SLCO3A1: variants seen among roughly 807,000 people sequenced by gnomAD.
The protein encoded by SLCO3A1 is solute carrier organic anion transporter family member 3A1, also known as PGE1 transporter.
A neutral mutation model predicts 63.1 loss-of-function variants in SLCO3A1; 27 were observed. The observed-to-expected ratio is 0.43, with a 90% CI of 0.32 to 0.59. The LOEUF (loss-of-function observed/expected upper bound fraction) is 0.59. Ranked by LOEUF, SLCO3A1 falls within the 20% of genes least tolerant of loss-of-function variation. The pLI, the probability that SLCO3A1 is intolerant of heterozygous loss-of-function variation, is 0.09. For synonymous variants in SLCO3A1, 473 were observed against 409.9 expected, an observed-to-expected ratio of 1.15 and a Z score of -1.86; for missense variants, 773 against 945.8, an observed-to-expected ratio of 0.82 and a Z score of 2.40.
At chr15:91,990,777 C>A (rs904105539) in intron 2 of SLCO3A1, among the ~76,000 whole-genome samples, 1 of 152,076 alleles carries the variant, frequency 6.6e-6, no homozygotes, top group Non-Finnish European at 1.5e-5. Flanking sequence ...CCTAGAATGC[C>A]CCCTGCCATC....
intron 2 of SLCO3A1, among the ~76,000 whole-genome samples, chr15:92,046,875 G>C (rs915346350): frequency 2.0e-5 from 3 of 147,224 alleles, no homozygotes; most frequent in Non-Finnish European, 4.4e-5. Flanking sequence ...GGGCTGGCAA[G>C]GGCCCTGTGA....
chr15:92,033,372 C>T lies in SLCO3A1; in HGVS notation c.647-61509C>T, dbSNP rs1169799883. The stretch of plus-strand genomic sequence containing the variant: ...TCTCCTCCAAGAGCAGGGTAACTTC[C>T]TCCTCTTGCATTCTCCCTCCAACTC... On this transcript the variant is annotated intron_variant, in intron 2 of 9. Coordinates refer to ENST00000318445, the MANE Select transcript of SLCO3A1 (RefSeq NM_013272.4). This position sits in a 1 kb window ranked among gnomAD's most constrained non-coding sequence, Gnocchi z 4.5. 6.6e-6 allele frequency among the ~76,000 whole-genome samples: 1 copy of T among 152,214 alleles called. No homozygotes were observed. The highest frequency in any genetic ancestry group is 1.9e-4 in the East Asian group (1 of 5,198).
At chr15:92,120,176 A>T (rs926428168) in intron 4 of SLCO3A1, among the ~76,000 whole-genome samples, 3 of 152,102 alleles carry the variant, frequency 2.0e-5, no homozygotes, top group Non-Finnish European at 1.5e-5. Context: ...CTTTAAAAAA[A>T]TTTTACTGTG....
intron 2 of SLCO3A1, among the ~76,000 whole-genome samples, chr15:92,037,496 G>C (rs780916708): frequency 6.6e-5 from 10 of 152,190 alleles, no homozygotes; most frequent in Non-Finnish European, 1.2e-4. Flanking sequence ...CAGGGAGTCA[G>C]CTTCTAGAAT....
intron 2 of SLCO3A1, among the ~76,000 whole-genome samples, chr15:92,056,607 C>T (rs1045744202): frequency 6.6e-6 from 1 of 152,162 alleles, no homozygotes; most frequent in East Asian, 1.9e-4. Context: ...CTTGGACTTC[C>T]TTCTCTCCAA....
intron 2 of SLCO3A1, among the ~76,000 whole-genome samples, chr15:92,082,806 C>A (rs182333024): frequency 6.6e-6 from 1 of 152,188 alleles, no homozygotes; most frequent in Non-Finnish European, 1.5e-5. Flanking sequence ...GATTCTCACG[C>A]CTTCACCACT....
In SLCO3A1 at chr15:92,128,415, G is replaced by A. The variant is rs554567337; in HGVS notation, c.1438G>A (p.Asp480Asn). 17 of 1,614,090 alleles carry A rather than the reference G, an allele frequency of 1.1e-5. No homozygotes were observed. The African/African-American group carries it at 1.7e-4, about 16-fold the overall frequency. Residue 480 changes from aspartate (D) to asparagine (N), a missense_variant, in exon 7 of 10, where the codon GAT becomes AAT. This residue lies in a region of SLCO3A1 where 565 missense variants were observed against 749.8 expected (regional missense o/e 0.75). Coordinates refer to ENST00000318445, the MANE Select transcript of SLCO3A1 (RefSeq NM_013272.4). ...CAATAATAACTGTGAATGCCAAACC[G>A]ATTCCTTCACTCCAGTGTGTGGGGC... ...PCNNNCECQT[D>N]SFTPVCGADG... is the part of the protein sequence containing the mutation.
chr15:92,060,560 C>T lies in SLCO3A1; in HGVS notation c.647-34321C>T, dbSNP rs376781015. Among the ~76,000 whole-genome samples, 114 of 151,544 alleles carry T rather than the reference C, an allele frequency of 7.5e-4. 3 individuals carry two copies. The East Asian group carries it at 0.016, about 21-fold the overall frequency. On this transcript the variant is annotated intron_variant, in intron 2 of 9. Transcript: ENST00000318445. ...TGTCACCCAGGCTGGAGTGCAGTGG[C>T]GCAAGCTCGGCTCACTGCAACCTCC...
intron 2 of SLCO3A1, among the ~76,000 whole-genome samples, chr15:92,049,250 C>T (rs1490508674): frequency 1.3e-5 from 2 of 152,172 alleles, no homozygotes; most frequent in Non-Finnish European, 1.5e-5. Flanking sequence ...AGCTTCGGTG[C>T]CAGCCCCAGC....
intron 2 of SLCO3A1, among the ~76,000 whole-genome samples, chr15:91,990,359 T>A (rs75480396): frequency 0.017 from 2,590 of 152,198 alleles, 84 homozygotes; most frequent in African/African-American, 0.059. Flanking sequence ...AAAGAACTGG[T>A]GTTACTTAGT....
At chr15:92,149,406 G>A (rs1473856538) in intron 8 of SLCO3A1, 1 of 152,298 alleles carries the variant, frequency 6.6e-6, no homozygotes, top group Non-Finnish European at 1.5e-5. Context: ...GGCTGGCACA[G>A]GGGCACAGAT....
chr15:91,857,399 G>T (rs770718775), intron 1 of SLCO3A1, among the ~76,000 whole-genome samples: 1 of 152,162 alleles, frequency 6.6e-6, no homozygotes, highest in Non-Finnish European at 1.5e-5. Flanking sequence ...TAGTCACAGG[G>T]ATGTTCCATC....
chr15:91,946,502 A>G (rs1899810734), intron 2 of SLCO3A1, among the ~76,000 whole-genome samples: 1 of 152,234 alleles, frequency 6.6e-6, no homozygotes, highest in African/African-American at 2.4e-5. Flanking sequence ...ATGTAGGGAA[A>G]TGGTTCAGTC....
At chr15:92,135,631 T>C (rs994359847) in intron 7 of SLCO3A1, among the ~76,000 whole-genome samples, 6 of 152,200 alleles carry the variant, frequency 3.9e-5, no homozygotes, top group Non-Finnish European at 7.3e-5. Context: ...CAGTAATAAA[T>C]GACAGGAGAC....
At chr15:92,151,503 G>A (rs1346541949) in intron 9 of SLCO3A1, among the ~76,000 whole-genome samples, 1 of 152,020 alleles carries the variant, frequency 6.6e-6, no homozygotes, top group Admixed American at 6.6e-5. Flanking sequence ...CATGCTATAG[G>A]GCCCACGTTT....
rs199624578 is a variant in SLCO3A1, at chr15:92,062,934, T to C, written c.647-31947T>C. On this transcript the variant is annotated intron_variant, in intron 2 of 9. Transcript: ENST00000318445. Reference sequence around the variant, plus strand: ...CAGTAAGTCAGAAGGTACAGCTCTGTGGACCCAGACCTTTGGAACCTCAGC... The same window carrying C: ...CAGTAAGTCAGAAGGTACAGCTCTGCGGACCCAGACCTTTGGAACCTCAGC... Among the ~76,000 whole-genome samples, 5 of 152,330 alleles carry C rather than the reference T, an allele frequency of 3.3e-5. No individual in the cohort carries two copies. In the East Asian group the frequency reaches 9.7e-4, roughly 29 times the overall value.
At chr15:92,147,823 C>CT (rs2048249152) in intron 8 of SLCO3A1, among the ~76,000 whole-genome samples, 1 of 152,166 alleles carries the variant, frequency 6.6e-6, no homozygotes, top group South Asian at 2.1e-4. Flanking sequence ...TTCTGAGTAA[C>CT]TTTTATCATT....
chr15:91,857,146 A>G (rs1392048317), intron 1 of SLCO3A1, among the ~76,000 whole-genome samples: 1 of 151,414 alleles, frequency 6.6e-6, no homozygotes, highest in Non-Finnish European at 1.5e-5. Context: ...TCCACCAAGA[A>G]CCTGCCCAGG....
At position 91,954,078 on chromosome 15, in the gene SLCO3A1, T is replaced by C. The variant is rs1459487952; in HGVS notation, c.646+37620T>C. ...TGTGTGTTCTGTTAGCCATGGGCGA[T>C]GTCTTCACAGAGCATGTAGAAACCC... On this transcript the variant is annotated intron_variant, in intron 2 of 9. Transcript: ENST00000318445. This position sits in a 1 kb window ranked among gnomAD's most constrained non-coding sequence, Gnocchi z 4.7. Among the ~76,000 whole-genome samples, 1 of 152,216 alleles carries C rather than the reference T, an allele frequency of 6.6e-6. No homozygotes were observed. Among genetic ancestry groups the C allele is most frequent in the Non-Finnish European group, 1.5e-5 (1 of 68,040 alleles).
Sources: gnomAD v4.1 joint callset for allele counts (sites outside exome capture counted in the v4.1 genomes callset) on GRCh38, gnomAD v4.1.1 for gene constraint, gnomAD v4.1.1 regional missense constraint, Gnocchi (gnomAD v3.1) non-coding constraint, MANE v1.5 for transcripts, NCBI Gene and HGNC (gene_info 2026-07-23, HGNC 2026-07-21) for gene names.